HEBP1: variants seen among roughly 807,000 people sequenced by gnomAD.
HEBP1 encodes heme-binding protein 1.
HEBP1 carries 13 observed loss-of-function variants against 20.4 expected under a neutral mutation model. The observed-to-expected ratio is 0.64, with a 90% CI of 0.42 to 1.01. The LOEUF (loss-of-function observed/expected upper bound fraction) is 1.01, where lower values mean the gene tolerates loss of function less well. Among genes scored for constraint, HEBP1 ranks in the 50% least tolerant of loss-of-function variants. The pLI is 0.00. For synonymous variants in HEBP1, 92 were observed against 90.7 expected, an observed-to-expected ratio of 1.01 and a Z score of -0.08; for missense variants, 241 against 247.3, an observed-to-expected ratio of 0.97 and a Z score of 0.17.
intron 1 of HEBP1, among the ~76,000 whole-genome samples, chr12:12,990,565 C>G (rs1189416715): frequency 6.6e-6 from 1 of 152,108 alleles, no homozygotes; most frequent in African/African-American, 2.4e-5. Flanking sequence ...TTAAGCTGTC[C>G]TTGTGGGATT....
chr12:12,999,808 C>T (rs1319809497), intron 1 of HEBP1, among the ~76,000 whole-genome samples: 1 of 152,260 alleles, frequency 6.6e-6, no homozygotes, highest in Non-Finnish European at 1.5e-5. Flanking sequence ...GGATCAGTCT[C>T]TCCTGTTTAC....
intron 1 of HEBP1, among the ~76,000 whole-genome samples, chr12:12,991,123 T>C (rs115874038): frequency 0.028 from 4,224 of 152,326 alleles, 141 homozygotes; most frequent in East Asian, 0.15. Flanking sequence ...TGAATTACTC[T>C]TTCTCCATTA....
chr12:12,987,618 C>CTCTCTCTCTT (rs1864170427), intron 2 of HEBP1, among the ~76,000 whole-genome samples: 2 of 115,040 alleles, frequency 1.7e-5, no homozygotes, highest in African/African-American at 5.7e-5. Flanking sequence ...CTCTTTCTCT[C>CTCTCTCTCTT]TCTCTCTCTC....
intron 1 of HEBP1, among the ~76,000 whole-genome samples, chr12:12,995,898 A>G (rs938789542): frequency 6.6e-6 from 1 of 152,198 alleles, no homozygotes; most frequent in African/African-American, 2.4e-5. Context: ...AATTTTCAAC[A>G]TTCAGTGGGA....
rs1276254017 is a variant in HEBP1 at position 12,986,077 on chromosome 12, ATTG to A, written c.398+1072_398+1074del. 1 of 152,214 alleles carries A rather than the reference ATTG, an allele frequency of 6.6e-6. No homozygotes were observed. 9.4% of individuals were successfully genotyped at this position (152,214 alleles called of 1,614,324 possible). ...GTGCATCTCCACCCTAGGAAAAGAT[ATTG>A]TTAAGTTAATTTGCTTTCTCCACAC... On this transcript the variant is annotated intron_variant, in intron 3 of 3. Coordinates refer to ENST00000014930, the MANE Select transcript of HEBP1 (RefSeq NM_015987.5). This position sits in a 1 kb window ranked among gnomAD's most constrained non-coding sequence, Gnocchi z 4.3.
At position 12,986,171 on chromosome 12, in the gene HEBP1, G is replaced by A. The variant is rs1864149871; in HGVS notation, c.398+981C>T. On this transcript the variant is annotated intron_variant, in intron 3 of 3. Transcript: ENST00000014930. The surrounding 1 kb of genome is among the most constrained non-coding windows in gnomAD (Gnocchi z 4.3). ...GACAAGCACAGGAGCTGAGGCTCCG[G>A]TGCTAGCTCCCAGCTGCATTACATT... is the stretch of plus-strand genomic sequence containing the variant. 1 of 152,272 alleles carries A rather than the reference G, an allele frequency of 6.6e-6. No homozygotes were observed. Among genetic ancestry groups the A allele is most frequent in the Non-Finnish European group, 1.5e-5 (1 of 68,086 alleles). 9.4% of individuals were successfully genotyped at this position (152,272 alleles called of 1,614,324 possible).
intron 2 of HEBP1, among the ~76,000 whole-genome samples, chr12:12,987,590 T>TTCTCTCTTTC (rs1864167852): frequency 7.5e-6 from 1 of 133,210 alleles, no homozygotes; most frequent in Non-Finnish European, 1.6e-5. Context: ...ATCAGTCTCT[T>TTCTCTCTTTC]TCTCTCTCTC....
In HEBP1 at chr12:12,989,267, G is replaced by A. The variant is rs778331263; in HGVS notation, c.217+10C>T. The A allele has an allele frequency of 7.4e-6, 12 of 1,613,516 alleles. 1 individual carries two copies. The highest frequency in any genetic ancestry group is 1.0e-5 in the Non-Finnish European group (12 of 1,179,940). ...CCGAGACCAGAGCCACATCCTGCAG[G>A]GGTACTCACCCTTGTCATTGGTGCC... On this transcript the variant is annotated intron_variant, in intron 2 of 3. Coordinates refer to ENST00000014930, the MANE Select transcript of HEBP1 (RefSeq NM_015987.5).
rs1030745926 is a variant in HEBP1 at position 12,996,373 on chromosome 12, A to G, written c.78+3664T>C. ...TTCTGCTGTGAGCATCCAAAGGCCCACCCAATCCAACACAGAGAGCTGTCT... is the reference window on the plus strand; with the variant it reads ...TTCTGCTGTGAGCATCCAAAGGCCCGCCCAATCCAACACAGAGAGCTGTCT... On this transcript the variant is annotated intron_variant, in intron 1 of 3. Transcript: ENST00000014930. This position sits in a 1 kb window ranked among gnomAD's most constrained non-coding sequence, Gnocchi z 4.1. Among the ~76,000 whole-genome samples the G allele has an allele frequency of 2.8e-4, 43 of 152,278 alleles. No individual in the cohort carries two copies. Among genetic ancestry groups the G allele is most frequent in the African/African-American group, 1.0e-3 (43 of 41,556 alleles).
chr12:12,977,687 C>T, intron 3 of HEBP1: 1 of 152,168 alleles, frequency 6.6e-6, no homozygotes, highest in East Asian at 1.9e-4. Context: ...TCTTAAAATG[C>T]TTTGTTACCT....
At position 12,996,168 on chromosome 12, in the gene HEBP1, A is replaced by G. The variant is rs1864286530; in HGVS notation, c.78+3869T>C. On this transcript the variant is annotated intron_variant, in intron 1 of 3. Transcript: ENST00000014930. This position sits in a 1 kb window ranked among gnomAD's most constrained non-coding sequence, Gnocchi z 4.1. ...ATTCAATTTCTCCAATAACCCTGTG[A>G]AGAAGTTAGGGCTTTAATCTTCATT... 6.6e-6 allele frequency among the ~76,000 whole-genome samples: 1 copy of G among 152,244 alleles called. No individual in the cohort carries two copies. The highest frequency in any genetic ancestry group is 2.4e-5 in the African/African-American group (1 of 41,458).
intron 1 of HEBP1, among the ~76,000 whole-genome samples, chr12:12,990,524 G>A (rs1864209171): frequency 6.6e-6 from 1 of 152,060 alleles, no homozygotes; most frequent in Non-Finnish European, 1.5e-5. Flanking sequence ...AAAGAAATCA[G>A]ACTTCATTGA....
rs147931147 is a variant in HEBP1 at position 12,979,224 on chromosome 12, G to C, written c.399-3745C>G. Among the ~76,000 whole-genome samples, 495 of 152,306 alleles carry C rather than the reference G, an allele frequency of 3.3e-3. 4 individuals carry two copies. Among genetic ancestry groups the C allele is most frequent in the African/African-American group, 0.011 (477 of 41,574 alleles). On this transcript the variant is annotated intron_variant, in intron 3 of 3. Coordinates refer to ENST00000014930, the MANE Select transcript of HEBP1 (RefSeq NM_015987.5). ...GATGGAGAATGTCATCACTCAGGGA[G>C]TCCTAAAATTCACTCCGGGAAAACC...
intron 1 of HEBP1, 82 bp downstream of exon 1, chr12:12,999,955 C>T: frequency 4.4e-6 from 4 of 914,190 alleles, no homozygotes; most frequent in African/African-American, 1.7e-5. Flanking sequence ...CCCACCTGCC[C>T]CTCAGCACCC....
In HEBP1 at chr12:13,000,235, T is replaced by A; in HGVS notation, c.-121A>T. 1.5e-5 allele frequency: 2 copies of A among 134,258 alleles called. No individual in the cohort carries two copies. The highest frequency in any genetic ancestry group is 3.3e-5 in the Non-Finnish European group (2 of 60,614). The allele number at this position is 134,258 out of a possible 1,614,324, so 8.3% of individuals were successfully genotyped here. A position where few individuals can be genotyped will look rare whatever the true frequency, so the allele number is the denominator to read the frequency against. On this transcript the variant is annotated 5_prime_UTR_variant, in exon 1 of 4. Transcript: ENST00000014930. ...GCGGCAGGGCGGCAGGGCGGCAGGGTGGCAGGGCGGCAAGGCGGCGGGACG... is the reference window on the plus strand; with the variant it reads ...GCGGCAGGGCGGCAGGGCGGCAGGGAGGCAGGGCGGCAAGGCGGCGGGACG...
chr12:13,000,043 C>T lies in HEBP1; in HGVS notation c.72G>A (p.Gly24=). The T allele has an allele frequency of 6.2e-7, 1 of 1,610,188 alleles. No individual in the cohort carries two copies. Among genetic ancestry groups the T allele is most frequent in the South Asian group, 1.1e-5 (1 of 90,498 alleles). ...GGCAGCCCTGCGGGCCTACCTTGTC[C>T]CCTTTGCTTAGGACCTGCCAAGGCC... ...ETWPWQVLSK[G]DKEEVAYEER... The change falls in exon 1 of 4, where the codon GGG becomes GGA. Residue 24 remains glycine, a synonymous_variant. Transcript: ENST00000014930.
At chr12:12,989,772 C>CAAAT (rs557732108) in intron 1 of HEBP1, among the ~76,000 whole-genome samples, 5 of 151,514 alleles carry the variant, frequency 3.3e-5, no homozygotes, top group African/African-American at 9.7e-5. Flanking sequence ...TAAAGTTAAA[C>CAAAT]AGGAGATTCA....
intron 3 of HEBP1, among the ~76,000 whole-genome samples, chr12:12,978,130 C>G (rs993794932): frequency 2.0e-5 from 3 of 147,976 alleles, no homozygotes; most frequent in Admixed American, 6.8e-5. Context: ...CAGCCAGATG[C>G]GAAGGCCTTG....
chr12:12,993,796 C>T (rs1864258387), intron 1 of HEBP1, among the ~76,000 whole-genome samples: 1 of 152,044 alleles, frequency 6.6e-6, no homozygotes, highest in African/African-American at 2.4e-5. Flanking sequence ...GTTACAGGTG[C>T]TATAAGGGAA....
Sources: allele counts gnomAD v4.1 joint callset (sites outside exome capture counted in the v4.1 genomes callset), GRCh38; gene constraint gnomAD v4.1.1; non-coding constraint Gnocchi (gnomAD v3.1); transcripts MANE v1.5; gene names NCBI Gene and HGNC (gene_info 2026-07-23, HGNC 2026-07-21).